Variants in CNOT6 observed in about 807,000 individuals in gnomAD.
The protein encoded by CNOT6 is carbon catabolite repression 4 protein.
CNOT6 carries 12 observed loss-of-function variants against 61.2 expected under a neutral mutation model. The observed-to-expected ratio is 0.20, with a 90% confidence interval of 0.13 to 0.32. CNOT6 has a LOEUF of 0.32. CNOT6 is among the 10% of genes least tolerant of loss of function. The pLI, the probability that CNOT6 is intolerant of heterozygous loss-of-function variation, is 1.00. For missense variants in CNOT6, 405 were observed against 663.9 expected, an observed-to-expected ratio of 0.61 and a Z score of 4.28; for synonymous variants, 225 against 240.6, an observed-to-expected ratio of 0.94 and a Z score of 0.60.
intron 1 of CNOT6, among the ~76,000 whole-genome samples, chr5:180,499,505 A>G (rs1756769131): frequency 6.6e-6 from 1 of 152,244 alleles, no homozygotes; most frequent in Non-Finnish European, 1.5e-5. Context: ...CTTAAGGTCT[A>G]AGAAGTTCTC....
At chr5:180,503,326 C>T (rs1462465495) in intron 1 of CNOT6, among the ~76,000 whole-genome samples, 2 of 148,136 alleles carry the variant, frequency 1.4e-5, no homozygotes, top group Non-Finnish European at 3.0e-5. Flanking sequence ...TGCAGTGGAG[C>T]AATCTCGGCT....
chr5:180,508,343 G>A (rs1369222417), intron 1 of CNOT6, among the ~76,000 whole-genome samples: 4 of 152,070 alleles, frequency 2.6e-5, no homozygotes, highest in African/African-American at 4.8e-5. Flanking sequence ...ACGGAGTCTC[G>A]CTCTCTCACC....
chr5:180,548,240 C>T (rs150128560), intron 2 of CNOT6, among the ~76,000 whole-genome samples: 1 of 152,278 alleles, frequency 6.6e-6, no homozygotes, highest in African/African-American at 2.4e-5. Flanking sequence ...CAAAAACGAA[C>T]GCTGTACCCA....
At chr5:180,562,041 CT>C (rs988947204) in intron 4 of CNOT6, among the ~76,000 whole-genome samples, 1 of 152,130 alleles carries the variant, frequency 6.6e-6, no homozygotes, top group Non-Finnish European at 1.5e-5. Flanking sequence ...TTCCCTGGTC[CT>C]TTGGCTTTTG....
At chr5:180,521,285 T>G (rs898806628) in intron 1 of CNOT6, among the ~76,000 whole-genome samples, 2 of 152,168 alleles carry the variant, frequency 1.3e-5, no homozygotes, top group African/African-American at 4.8e-5. Context: ...ATTTACGACA[T>G]TTTACAGAAC....
intron 1 of CNOT6, among the ~76,000 whole-genome samples, chr5:180,506,255 A>AT (rs1757128431): frequency 6.6e-6 from 1 of 152,196 alleles, no homozygotes; most frequent in Non-Finnish European, 1.5e-5. Flanking sequence ...TGCTGTGAGA[A>AT]TTAAATCAAG....
intron 3 of CNOT6, among the ~76,000 whole-genome samples, chr5:180,553,044 C>G: frequency 6.6e-6 from 1 of 152,166 alleles, no homozygotes; most frequent in East Asian, 1.9e-4. Context: ...GGTCTGTGAC[C>G]TGGTGCCAGT....
At position 180,510,091 on chromosome 5, in the gene CNOT6, G is replaced by A. The variant is rs192722590; in HGVS notation, c.-3+15328G>A. Reference sequence around the variant, plus strand: ...AAGGAAAGACTAATGATAGACATTTGCCACTAAGGACAGCTCCTAAATGAG... The same window carrying A: ...AAGGAAAGACTAATGATAGACATTTACCACTAAGGACAGCTCCTAAATGAG... On this transcript the variant is annotated intron_variant, in intron 1 of 11. Transcript: ENST00000261951. Among the ~76,000 whole-genome samples, 1,005 of 137,440 alleles carry A rather than the reference G, an allele frequency of 7.3e-3. 11 individuals carry two copies. Among genetic ancestry groups the A allele is most frequent in the African/African-American group, 0.026 (957 of 36,540 alleles). The allele number at this position is 137,440 out of a possible 152,430, so 90.2% of individuals were successfully genotyped here. A position where few individuals can be genotyped will look rare whatever the true frequency, so the allele number is the denominator to read the frequency against.
At position 180,520,185 on chromosome 5, in the gene CNOT6, A is replaced by G. The variant is rs145293756; in HGVS notation, c.-2-9090A>G. 5.3e-4 allele frequency among the ~76,000 whole-genome samples: 80 copies of G among 152,330 alleles called. No individual in the cohort carries two copies. The East Asian group carries it at 0.014, about 28-fold the overall frequency. On this transcript the variant is annotated intron_variant, in intron 1 of 11. Coordinates refer to ENST00000261951, the MANE Select transcript of CNOT6 (RefSeq NM_001370472.1). ...AGATTTTCAGTTTTTGGCAATTATG[A>G]ATAAAGTTGTTATGAACAACTATAT...
chr5:180,517,217 A>G (rs1238153963), intron 1 of CNOT6, among the ~76,000 whole-genome samples: 1 of 152,130 alleles, frequency 6.6e-6, no homozygotes, highest in Admixed American at 6.5e-5. Flanking sequence ...TGCCCACTGT[A>G]GCCCCGACTT....
At chr5:180,555,125 G>A (rs369542121) in intron 4 of CNOT6, among the ~76,000 whole-genome samples, 141 of 151,804 alleles carry the variant, frequency 9.3e-4, no homozygotes, top group Middle Eastern at 6.8e-3. Flanking sequence ...TTCTGCTTCA[G>A]CCTCCCGAGT....
intron 1 of CNOT6, among the ~76,000 whole-genome samples, chr5:180,513,063 A>AT (rs1428243099): frequency 6.6e-6 from 1 of 150,528 alleles, no homozygotes; most frequent in Non-Finnish European, 1.5e-5. Flanking sequence ...TGCCCGGATA[A>AT]TTTTTTTGTG....
rs537332002 is a variant in CNOT6, at chr5:180,577,662, C to A, written c.*3462C>A. On this transcript the variant is annotated 3_prime_UTR_variant, in exon 12 of 12. Transcript: ENST00000261951. Reference sequence around the variant, plus strand: ...TCTAAAAGTATCTAGTCTTTATTCACAGTACATTATATTGTGTGATGCACT... The same window carrying A: ...TCTAAAAGTATCTAGTCTTTATTCAAAGTACATTATATTGTGTGATGCACT... 1.3e-5 allele frequency: 2 copies of A among 152,752 alleles called. No homozygotes were observed. The highest frequency in any genetic ancestry group is 2.1e-4 in the South Asian group (1 of 4,828). 9.5% of individuals were successfully genotyped at this position (152,752 alleles called of 1,614,324 possible). A position where few individuals can be genotyped will look rare whatever the true frequency, so the allele number is the denominator to read the frequency against.
At chr5:180,543,836 A>C (rs1246230516) in intron 2 of CNOT6, among the ~76,000 whole-genome samples, 2 of 150,712 alleles carry the variant, frequency 1.3e-5, no homozygotes, top group Non-Finnish European at 3.0e-5. Context: ...TTTGAGAGGG[A>C]GTCTTGCTCT....
At chr5:180,548,792 C>T (rs2453176) in intron 2 of CNOT6, among the ~76,000 whole-genome samples, 12,903 of 152,172 alleles carry the variant, frequency 0.085, 613 homozygotes, top group Non-Finnish European at 0.1. Flanking sequence ...GTCTCAAGGT[C>T]GCGTTTTCTT....
chr5:180,563,348 T>C (rs1760284504), intron 4 of CNOT6, among the ~76,000 whole-genome samples: 1 of 152,032 alleles, frequency 6.6e-6, no homozygotes, highest in Non-Finnish European at 1.5e-5. Flanking sequence ...CCTGAGTAGC[T>C]GGACTACAGG....
chr5:180,529,366 C>T lies in CNOT6; in HGVS notation c.90C>T (p.His30=). Residue 30 remains histidine (H), a synonymous_variant, in exon 2 of 12, where the codon CAC becomes CAT. Coordinates refer to ENST00000261951, the MANE Select transcript of CNOT6 (RefSeq NM_001370472.1). ...SEEAANGKKS[H]WAELEISGKV... is the part of the protein sequence containing the mutation. ...AAGCAGCAAATGGAAAGAAATCCCA[C>T]TGGGCAGAGCTTGAAATAAGTGGTA... 3.1e-6 allele frequency: 5 copies of T among 1,607,750 alleles called. No homozygotes were observed. Among genetic ancestry groups the T allele is most frequent in the Non-Finnish European group, 4.3e-6 (5 of 1,174,720 alleles).
chr5:180,559,631 A>C (rs902892840), intron 4 of CNOT6, among the ~76,000 whole-genome samples: 1 of 152,084 alleles, frequency 6.6e-6, no homozygotes, highest in African/African-American at 2.4e-5. Flanking sequence ...TAAGTCTGCC[A>C]TTTTATTTTT....
In CNOT6 at chr5:180,565,804, G is replaced by A. The variant is rs1760420367; in HGVS notation, c.560-16G>A. ...TCTGCCACATGTGTGAATAAGTAAA[G>A]TTATCTTTCCTACAGCCTTGTTTTC... On this transcript the variant is annotated splice_polypyrimidine_tract_variant and intron_variant, in intron 6 of 11. Coordinates refer to ENST00000261951, the MANE Select transcript of CNOT6 (RefSeq NM_001370472.1). 2 of 1,549,194 alleles carry A rather than the reference G, an allele frequency of 1.3e-6. No homozygotes were observed. Among genetic ancestry groups the A allele is most frequent in the Non-Finnish European group, 8.7e-7 (1 of 1,144,132 alleles).
Sources: gnomAD v4.1 joint callset for allele counts (sites outside exome capture counted in the v4.1 genomes callset) on GRCh38, gnomAD v4.1.1 for gene constraint, MANE v1.5 for transcripts, NCBI Gene and HGNC (gene_info 2026-07-23, HGNC 2026-07-21) for gene names.